The following IMMP2L variants were observed in gnomAD, a reference collection of about 807,000 sequenced individuals.
IMMP2L encodes the protein inner mitochondrial membrane peptidase subunit 2, also known as mitochondrial inner membrane protease subunit 2.
IMMP2L carries 18 observed loss-of-function variants against 19.3 expected under a neutral mutation model. That is an observed-to-expected ratio of 0.93 (90% CI 0.64 to 1.38). The LOEUF (loss-of-function observed/expected upper bound fraction) is 1.38, where lower values mean the gene tolerates loss of function less well. IMMP2L is among the 40% of genes most tolerant of loss of function. The pLI, the probability that IMMP2L is intolerant of heterozygous loss-of-function variation, is 0.00. For synonymous variants in IMMP2L, 76 were observed against 73.0 expected (o/e 1.04, Z -0.21); for missense variants, 233 against 218.2 (o/e 1.07, Z -0.43).
intron 3 of IMMP2L, among the ~76,000 whole-genome samples, chr7:111,172,407 C>T (rs10953682): frequency 0.81 from 123,221 of 151,342 alleles, 51,447 homozygotes; most frequent in East Asian, 0.91. Context: ...TACAATGTTA[C>T]ATTTTCATAC....
intron 3 of IMMP2L, among the ~76,000 whole-genome samples, chr7:111,103,646 A>T (rs2129580749): frequency 6.6e-6 from 1 of 151,826 alleles, no homozygotes; most frequent in Middle Eastern, 3.4e-3. Flanking sequence ...AAGTTACAGC[A>T]AATTCTAATG....
chr7:110,867,691 G>A (rs1463285234), intron 5 of IMMP2L, among the ~76,000 whole-genome samples: 4 of 151,722 alleles, frequency 2.6e-5, no homozygotes, highest in Admixed American at 1.3e-4. Context: ...GGATCAGGTT[G>A]AACAGCAGCA....
intron 3 of IMMP2L, among the ~76,000 whole-genome samples, chr7:111,069,915 C>A (rs146080891): frequency 6.6e-6 from 1 of 152,234 alleles, no homozygotes; most frequent in African/African-American, 2.4e-5. Context: ...GCAAACATAT[C>A]ATGAAAGAAA....
At chr7:111,106,810 AAC>A (rs975371593) in intron 3 of IMMP2L, among the ~76,000 whole-genome samples, 5 of 151,240 alleles carry the variant, frequency 3.3e-5, no homozygotes, top group African/African-American at 1.2e-4. Flanking sequence ...AAATGGAATC[AAC>A]ACACAAATAG....
chr7:111,079,050 T>G (rs1243281612), intron 3 of IMMP2L, among the ~76,000 whole-genome samples: 2 of 152,194 alleles, frequency 1.3e-5, no homozygotes, highest in Admixed American at 1.3e-4. Flanking sequence ...CAACATTAAT[T>G]TAGTTAAATA....
chr7:111,383,196 A>G (rs1396659830), intron 3 of IMMP2L, among the ~76,000 whole-genome samples: 1 of 152,104 alleles, frequency 6.6e-6, no homozygotes, highest in Non-Finnish European at 1.5e-5. Context: ...TCCTGTCTAT[A>G]TAACCCTAAT....
chr7:110,968,523 A>G (rs559820563), intron 3 of IMMP2L, among the ~76,000 whole-genome samples: 1 of 152,148 alleles, frequency 6.6e-6, no homozygotes, highest in Admixed American at 6.6e-5. Context: ...AAAATACAAA[A>G]TTAGCCAGGC....
chr7:111,199,812 T>G (rs1486262261), intron 3 of IMMP2L, among the ~76,000 whole-genome samples: 2 of 152,112 alleles, frequency 1.3e-5, no homozygotes, highest in Non-Finnish European at 2.9e-5. Context: ...ATGTCTTATC[T>G]CACATAAAGT....
chr7:111,046,774 T>C (rs1259021789), intron 3 of IMMP2L, among the ~76,000 whole-genome samples: 2 of 152,134 alleles, frequency 1.3e-5, no homozygotes, highest in Non-Finnish European at 2.9e-5. Flanking sequence ...ATAACAATAA[T>C]TTACATTTCG....
At chr7:110,751,283 AC>A (rs1797701326) in intron 5 of IMMP2L, among the ~76,000 whole-genome samples, 1 of 152,038 alleles carries the variant, frequency 6.6e-6, no homozygotes. Flanking sequence ...GACGGTTAGA[AC>A]CAGAAAAAAA....
intron 3 of IMMP2L, among the ~76,000 whole-genome samples, chr7:111,477,909 AT>A (rs1399723964): frequency 6.6e-6 from 1 of 152,094 alleles, no homozygotes; most frequent in African/African-American, 2.4e-5. Context: ...AAAAAAAAAA[AT>A]AGACTTTTAT....
chr7:111,122,841 A>G, intron 3 of IMMP2L: 1 of 1,614,006 alleles, frequency 6.2e-7, no homozygotes, highest in Non-Finnish European at 8.5e-7. Context: ...TACAAGCTGT[A>G]GATAAAAAAG....
At chr7:110,702,868 A>C (rs6965544) in intron 5 of IMMP2L, among the ~76,000 whole-genome samples, 85,253 of 151,764 alleles carry the variant, frequency 0.56, 24,009 homozygotes, top group East Asian at 0.69. Context: ...TTTACTTTTC[A>C]CTTCCTAATC....
intron 5 of IMMP2L, among the ~76,000 whole-genome samples, chr7:110,879,500 T>C (rs1386592530): frequency 6.6e-6 from 1 of 152,174 alleles, no homozygotes; most frequent in African/African-American, 2.4e-5. Context: ...TGTAACTTGG[T>C]GTCTTTGTAT....
intron 3 of IMMP2L, among the ~76,000 whole-genome samples, chr7:111,200,117 G>C (rs1809943613): frequency 6.6e-6 from 1 of 151,974 alleles, no homozygotes; most frequent in Admixed American, 6.6e-5. Context: ...TATGAAATGT[G>C]AGTTTACAAA....
chr7:111,226,939 A>G (rs1326056420), intron 3 of IMMP2L, among the ~76,000 whole-genome samples: 1 of 152,162 alleles, frequency 6.6e-6, no homozygotes, highest in Non-Finnish European at 1.5e-5. Context: ...GATAATAATC[A>G]GTGGAGAAGA....
At chr7:111,050,558 T>G (rs1792909070) in intron 3 of IMMP2L, among the ~76,000 whole-genome samples, 1 of 152,238 alleles carries the variant, frequency 6.6e-6, no homozygotes, top group Non-Finnish European at 1.5e-5. Context: ...GACATCTTTT[T>G]TGCTGCTTTT....
intron 4 of IMMP2L, among the ~76,000 whole-genome samples, chr7:110,913,493 T>C (rs570497935): frequency 9.2e-5 from 14 of 152,108 alleles, no homozygotes; most frequent in Admixed American, 7.9e-4. Flanking sequence ...ATCTGATTAA[T>C]AAATGAACAA....
At chr7:110,756,631 T>G (rs1342018835) in intron 5 of IMMP2L, among the ~76,000 whole-genome samples, 1 of 152,154 alleles carries the variant, frequency 6.6e-6, no homozygotes, top group Non-Finnish European at 1.5e-5. Context: ...GATAGGTTCA[T>G]GTCAGGGAAA....
Sources: gnomAD v4.1 joint callset for allele counts (sites outside exome capture counted in the v4.1 genomes callset) on GRCh38, gnomAD v4.1.1 for gene constraint, MANE v1.5 for transcripts, NCBI Gene and HGNC (gene_info 2026-07-23, HGNC 2026-07-21) for gene names.